Variants in ADK observed in about 807,000 individuals in gnomAD.
The protein encoded by ADK is N6,N6-dimethyladenosine kinase.
Under a neutral mutation model 44.7 loss-of-function variants are expected in ADK, and 24 were observed. The ratio of observed to expected loss-of-function variants is 0.54; its 90% CI spans 0.39 to 0.76. The LOEUF is 0.76. Ranked by LOEUF, ADK falls within the 30% of genes least tolerant of loss-of-function variation. The pLI, the probability that ADK is intolerant of heterozygous loss-of-function variation, is 0.00. For missense variants in ADK, 321 were observed against 425.1 expected, an observed-to-expected ratio of 0.76 and a Z score of 2.15; for synonymous variants, 128 against 142.6, an observed-to-expected ratio of 0.90 and a Z score of 0.73.
At chr10:74,375,649 A>ATT (rs200131339) in intron 4 of ADK, among the ~76,000 whole-genome samples, 3 of 148,710 alleles carry the variant, frequency 2.0e-5, no homozygotes, top group African/African-American at 7.4e-5. Flanking sequence ...GGCAAGAGCC[A>ATT]TTTTTTTTTT....
At chr10:74,450,841 A>G (rs935240035) in intron 6 of ADK, among the ~76,000 whole-genome samples, 2 of 152,174 alleles carry the variant, frequency 1.3e-5, no homozygotes, top group African/African-American at 4.8e-5. Flanking sequence ...TTAAAGATTT[A>G]TTAGATAAAT....
chr10:74,568,052 T>G (rs2133841609), intron 7 of ADK, among the ~76,000 whole-genome samples: 1 of 152,252 alleles, frequency 6.6e-6, no homozygotes, highest in East Asian at 1.9e-4. Context: ...TTGTCCAAAC[T>G]ATGACCCATG....
At chr10:74,387,605 T>G (rs990201505) in intron 4 of ADK, among the ~76,000 whole-genome samples, 3 of 152,236 alleles carry the variant, frequency 2.0e-5, no homozygotes, top group Non-Finnish European at 4.4e-5. Flanking sequence ...CAATTGATAC[T>G]GCTACCTGTC....
intron 4 of ADK, among the ~76,000 whole-genome samples, chr10:74,341,397 G>A (rs1841577537): frequency 6.6e-6 from 1 of 151,748 alleles, no homozygotes. Context: ...GTGTTGGCGG[G>A]TGCCTGTAAT....
rs35774493 is a variant in ADK, at chr10:74,532,919, C to CAAAA, written c.726+7511_726+7514dup. 1.6e-4 allele frequency among the ~76,000 whole-genome samples: 12 copies of CAAAA among 75,414 alleles called. 1 individual carries two copies. In the East Asian group the frequency reaches 2.1e-3, roughly 13 times the overall value. The allele number at this position is 75,414 out of a possible 152,430, so 49.5% of individuals were successfully genotyped here. A position where few individuals can be genotyped will look rare whatever the true frequency, so the allele number is the denominator to read the frequency against. ...TGGGCGACAGAGCAAGACTCTGTCT[C>CAAAA]AAAAAAAAAAAAAAAAAAAAAGCTA... On this transcript the variant is annotated intron_variant, in intron 7 of 10. Transcript: ENST00000539909.
intron 4 of ADK, among the ~76,000 whole-genome samples, chr10:74,357,199 A>G (rs2951091): frequency 6.6e-6 from 1 of 152,150 alleles, no homozygotes; most frequent in African/African-American, 2.4e-5. Flanking sequence ...TTTCTGATCC[A>G]CAGTTCTTGT....
chr10:74,644,674 C>T (rs372080042), intron 9 of ADK, among the ~76,000 whole-genome samples: 32 of 152,176 alleles, frequency 2.1e-4, no homozygotes, highest in African/African-American at 7.5e-4. Flanking sequence ...GCTAGGAGAA[C>T]AAGTGACACC....
intron 3 of ADK, among the ~76,000 whole-genome samples, chr10:74,303,649 C>T (rs1340374322): frequency 1.7e-5 from 2 of 116,458 alleles, no homozygotes; most frequent in Admixed American, 2.3e-4. Flanking sequence ...AGCTTCTACA[C>T]TGATAAATTT....
intron 6 of ADK, among the ~76,000 whole-genome samples, chr10:74,492,374 G>A (rs1014161211): frequency 1.3e-5 from 2 of 152,034 alleles, no homozygotes; most frequent in South Asian, 2.1e-4. Context: ...GGCTGAGGAG[G>A]GAGGATCACT....
Position 74,199,400 on chromosome 10 carries a change from G to A in ADK, c.66-1364G>A, listed in dbSNP as rs532873816. ...TGTCCCGACATCTTTGTGTCTCTGC[G>A]TACCCAGTGTTTAGCTTCCACTTAT... On this transcript the variant is annotated intron_variant, in intron 1 of 10. Coordinates refer to ENST00000539909, the MANE Select transcript of ADK (RefSeq NM_006721.4). Among the ~76,000 whole-genome samples, 27 of 152,256 alleles carry A rather than the reference G, an allele frequency of 1.8e-4. 1 individual carries two copies. In the South Asian group the frequency reaches 4.4e-3, roughly 25 times the overall value.
intron 4 of ADK, among the ~76,000 whole-genome samples, chr10:74,324,610 A>G (rs1014026129): frequency 1.3e-5 from 2 of 152,170 alleles, no homozygotes; most frequent in African/African-American, 2.4e-5. Flanking sequence ...GATGAATAGT[A>G]TTCCATTGTG....
intron 6 of ADK, among the ~76,000 whole-genome samples, chr10:74,465,497 A>G (rs534696011): frequency 3.3e-5 from 5 of 152,298 alleles, no homozygotes; most frequent in East Asian, 3.9e-4. Flanking sequence ...CATGACTTAT[A>G]TTTTAGTAGG....
rs142689404 is a variant in ADK at position 74,402,642 on chromosome 10, G to C, written c.555+4063G>C. On this transcript the variant is annotated intron_variant, in intron 6 of 10. Coordinates refer to ENST00000539909, the MANE Select transcript of ADK (RefSeq NM_006721.4). ...TGCTGTTTATTCTAGTTAGCCTGTC[G>C]TCTAATCTTTTTTGAAGGTTTTTAG... Among the ~76,000 whole-genome samples, 367 of 152,164 alleles carry C rather than the reference G, an allele frequency of 2.4e-3. 2 individuals are homozygous for C. The highest frequency in any genetic ancestry group is 8.4e-3 in the African/African-American group (349 of 41,526).
intron 7 of ADK, among the ~76,000 whole-genome samples, chr10:74,540,946 A>C (rs1216502581): frequency 6.6e-6 from 1 of 152,200 alleles, no homozygotes; most frequent in Non-Finnish European, 1.5e-5. Context: ...GAGGGAAATA[A>C]TTAGCAAAAT....
intron 6 of ADK, among the ~76,000 whole-genome samples, chr10:74,462,845 A>G (rs1336885344): frequency 3.3e-5 from 5 of 152,194 alleles, no homozygotes; most frequent in Non-Finnish European, 5.9e-5. Context: ...ACAGAAATCT[A>G]TATTAAGGAT....
intron 6 of ADK, among the ~76,000 whole-genome samples, chr10:74,453,611 C>A (rs541234010): frequency 6.6e-6 from 1 of 152,182 alleles, no homozygotes; most frequent in South Asian, 2.1e-4. Context: ...TTAAAAATTA[C>A]TTCATCATTT....
At chr10:74,595,395 G>T (rs375595836) in intron 8 of ADK, among the ~76,000 whole-genome samples, 43 of 91,478 alleles carry the variant, frequency 4.7e-4, no homozygotes, top group East Asian at 1.8e-3. Flanking sequence ...TTTTTTTTGG[G>T]GAGGGGGTTT....
At chr10:74,167,026 G>T (rs1396964367) in intron 1 of ADK, among the ~76,000 whole-genome samples, 2 of 152,146 alleles carry the variant, frequency 1.3e-5, no homozygotes, top group African/African-American at 4.8e-5. Flanking sequence ...TGCACAAGTG[G>T]TATTTTATAA....
intron 2 of ADK, among the ~76,000 whole-genome samples, chr10:74,218,663 G>A (rs554972788): frequency 2.8e-4 from 43 of 152,282 alleles, no homozygotes; most frequent in African/African-American, 8.2e-4. Context: ...GACTAACAGC[G>A]GATCTCTCGG....
Sources: allele counts gnomAD v4.1 joint callset (sites outside exome capture counted in the v4.1 genomes callset), GRCh38; gene constraint gnomAD v4.1.1; transcripts MANE v1.5; gene names NCBI Gene and HGNC (gene_info 2026-07-23, HGNC 2026-07-21).